SF3B1: variants seen among roughly 807,000 people sequenced by gnomAD.
The protein encoded by SF3B1 is pre-mRNA processing 10.
SF3B1 carries 12 observed loss-of-function variants against 153.8 expected under a neutral mutation model. That is an observed-to-expected ratio of 0.08 (90% CI 0.05 to 0.13). The LOEUF (loss-of-function observed/expected upper bound fraction) is 0.13, where lower values mean the gene tolerates loss of function less well. Ranked by LOEUF, SF3B1 falls within the 10% of genes least tolerant of loss-of-function variation. The probability of loss-of-function intolerance (pLI) is 1.00; values close to 1 mark genes in which losing one functional copy is unlikely to be tolerated. For synonymous variants in SF3B1, 498 were observed against 525.2 expected (o/e 0.95, Z 0.71); for missense variants, 513 against 1,606.1 (o/e 0.32, Z 11.63).
intron 6 of SF3B1, among the ~76,000 whole-genome samples, chr2:197,413,451 T>C (rs748865665): frequency 1.3e-5 from 2 of 152,174 alleles, no homozygotes; most frequent in African/African-American, 2.4e-5. Context: ...GTTACTTATA[T>C]TGAACAGAAC....
chr2:197,411,399 T>C (rs1217225454), intron 6 of SF3B1, among the ~76,000 whole-genome samples: 2 of 151,358 alleles, frequency 1.3e-5, no homozygotes, highest in African/African-American at 4.9e-5. Flanking sequence ...CTTGGCCGGG[T>C]GCGGTGGCTC....
At chr2:197,417,589 A>AT (rs1452462575) in intron 5 of SF3B1, among the ~76,000 whole-genome samples, 1 of 150,362 alleles carries the variant, frequency 6.7e-6, no homozygotes. Context: ...AAAAAAAAAA[A>AT]AAAAAAGAAA....
At chr2:197,407,614 A>G (rs1380152805) in intron 9 of SF3B1, among the ~76,000 whole-genome samples, 1 of 151,914 alleles carries the variant, frequency 6.6e-6, no homozygotes, top group South Asian at 2.1e-4. Flanking sequence ...TTTAAAAAAA[A>G]AAAAAAAAAA....
At chr2:197,432,728 G>A (rs188653639) in intron 1 of SF3B1, among the ~76,000 whole-genome samples, 3 of 152,248 alleles carry the variant, frequency 2.0e-5, no homozygotes, top group Non-Finnish European at 4.4e-5. Flanking sequence ...TTAGTCGGGT[G>A]TGGTGGCACA....
At position 197,410,000 on chromosome 2, in the gene SF3B1, C is replaced by G; in HGVS notation, c.674G>C (p.Gly225Ala). 1 of 1,602,724 alleles carries G rather than the reference C, an allele frequency of 6.2e-7. No homozygotes were observed. The highest frequency in any genetic ancestry group is 8.5e-7 in the Non-Finnish European group (1 of 1,174,308). ...ATCCCATCTTAAGGAAGGAGTATGC[C>G]CAGGGGTCTTAAAAAAGCAAAAAAA... ...LSSWDQAETP[G>A]HTPSLRWDET... Residue 225 changes from glycine (G) to alanine (A), a missense_variant, in exon 7 of 25, where the codon GGG (glycine) becomes GCG (alanine). Gly to Ala is a moderately conservative substitution (Grantham distance 60, BLOSUM62 0). Coordinates refer to ENST00000335508, the MANE Select transcript of SF3B1 (RefSeq NM_012433.4).
Position 197,408,507 on chromosome 2 carries a change from G to T in SF3B1, c.979C>A (p.Pro327Thr). The change falls in exon 8 of 25, where the codon CCG becomes ACG. Residue 327 changes from proline (P) to threonine (T), a missense_variant. Coordinates refer to ENST00000335508, the MANE Select transcript of SF3B1 (RefSeq NM_012433.4). ...DRGGDSIGETPTPGASKRKSR... is the reference protein window; with the variant it reads ...DRGGDSIGETTTPGASKRKSR... ...TTTCTTTTACTGGCTCCAGGAGTCG[G>T]TGTTTCACCAATAGAATCTCCACCT... 1 of 1,613,650 alleles carries T rather than the reference G, an allele frequency of 6.2e-7. No homozygotes were observed. Among genetic ancestry groups the T allele is most frequent in the Non-Finnish European group, 8.5e-7 (1 of 1,179,988 alleles).
At chr2:197,435,077 G>C, upstream of SF3B1, 1 of 1,608,784 alleles carries the variant, frequency 6.2e-7, no homozygotes, top group Non-Finnish European at 8.5e-7. Flanking sequence ...GAGAAAAATA[G>C]CTGGGGGCTG....
At position 197,401,319 on chromosome 2, in the gene SF3B1, T is replaced by A; in HGVS notation, c.2496+81A>T. 1 of 1,290,526 alleles carries A rather than the reference T, an allele frequency of 7.7e-7. No individual in the cohort carries two copies. Among genetic ancestry groups the A allele is most frequent in the South Asian group, 1.4e-5 (1 of 71,998 alleles). The allele number at this position is 1,290,526 out of a possible 1,614,324, so 79.9% of individuals were successfully genotyped here. ...ACTGTGAGATAATCAAGGCAAAAAA[T>A]AATATACAACATGCATTCAAGTTGA... On this transcript the variant is annotated intron_variant, in intron 17 of 24. Transcript: ENST00000335508. The surrounding 1 kb of genome is among the most constrained non-coding windows in gnomAD (Gnocchi z 4.2).
chr2:197,418,713 G>A (rs955684105), intron 4 of SF3B1, 125 bp from the exon 5 acceptor site: 13 of 1,447,096 alleles, frequency 9.0e-6, no homozygotes, highest in East Asian at 2.5e-5. Context: ...TTTTTTGATG[G>A]AAAACTTTAA....
In SF3B1 at chr2:197,389,968, T is replaced by C. The variant is rs2084792384; in HGVS notation, c.*2335A>G. The C allele has an allele frequency of 6.6e-6, 1 of 152,230 alleles. No individual in the cohort carries two copies. The highest frequency in any genetic ancestry group is 2.4e-5 in the African/African-American group (1 of 41,458). The allele number at this position is 152,230 out of a possible 1,614,324, so 9.4% of individuals were successfully genotyped here. On this transcript the variant is annotated 3_prime_UTR_variant, in exon 25 of 25. Coordinates refer to ENST00000335508, the MANE Select transcript of SF3B1 (RefSeq NM_012433.4). Reference sequence around the variant, plus strand: ...AACCCACCCTGTCTCCTTAAGAACATTTCTTTGTTTGGCTTTAAGAAACAC... The same window carrying C: ...AACCCACCCTGTCTCCTTAAGAACACTTCTTTGTTTGGCTTTAAGAAACAC...
At chr2:197,428,890 G>T (rs1295931151) in intron 1 of SF3B1, among the ~76,000 whole-genome samples, 1 of 151,990 alleles carries the variant, frequency 6.6e-6, no homozygotes, top group East Asian at 1.9e-4. Context: ...AGAATCGCTT[G>T]AGTCTGGGAG....
intron 5 of SF3B1, among the ~76,000 whole-genome samples, chr2:197,417,220 A>T (rs2085161110): frequency 6.6e-6 from 1 of 152,234 alleles, no homozygotes; most frequent in Non-Finnish European, 1.5e-5. Flanking sequence ...ACTGAAAAAT[A>T]GGGTTTTCTT....
chr2:197,396,058 A>G lies in SF3B1; in HGVS notation c.3537T>C (p.Asp1179=). 1.2e-6 allele frequency: 2 copies of G among 1,609,812 alleles called. No individual in the cohort carries two copies. The highest frequency in any genetic ancestry group is 1.7e-6 in the Non-Finnish European group (2 of 1,176,542). ...TGTATTTAGTTCAAGTCACTTACCTATCCATTAAAGCATCTTCAAGTAACG... is the reference window on the plus strand; with the variant it reads ...TGTATTTAGTTCAAGTCACTTACCTGTCCATTAAAGCATCTTCAAGTAACG... ...VTPLLEDALM[D]RDLVHRQTAS... is the part of the protein sequence containing the mutation. The change falls in exon 23 of 25, where the codon GAT becomes GAC. Residue 1179 remains aspartate, a splice_region_variant and synonymous_variant. Coordinates refer to ENST00000335508, the MANE Select transcript of SF3B1 (RefSeq NM_012433.4).
chr2:197,410,383 T>TC (rs1184371851), intron 6 of SF3B1, among the ~76,000 whole-genome samples: 1 of 152,194 alleles, frequency 6.6e-6, no homozygotes, highest in Non-Finnish European at 1.5e-5. Context: ...AAAGTGGGGC[T>TC]TAGAGACACA....
chr2:197,427,076 G>A (rs2085347319), intron 1 of SF3B1, among the ~76,000 whole-genome samples: 1 of 152,182 alleles, frequency 6.6e-6, no homozygotes, highest in African/African-American at 2.4e-5. Flanking sequence ...TTATGTACCT[G>A]CTGATTAGCA....
chr2:197,416,032 G>A (rs1387969130), intron 6 of SF3B1, among the ~76,000 whole-genome samples: 4 of 142,834 alleles, frequency 2.8e-5, no homozygotes. Context: ...TGCCCAAGCT[G>A]GTCTCAAACT....
Position 197,402,482 on chromosome 2 carries a change from C to G in SF3B1, c.2077+74G>C. 2 of 1,353,044 alleles carry G rather than the reference C, an allele frequency of 1.5e-6. No homozygotes were observed. The highest frequency in any genetic ancestry group is 2.0e-6 in the Non-Finnish European group (2 of 986,404). 83.8% of individuals were successfully genotyped at this position (1,353,044 alleles called of 1,614,324 possible). On this transcript the variant is annotated intron_variant, in intron 14 of 24. Coordinates refer to ENST00000335508, the MANE Select transcript of SF3B1 (RefSeq NM_012433.4). The surrounding 1 kb of genome is among the most constrained non-coding windows in gnomAD (Gnocchi z 4.6). ...ATCACTTGAGCCCAAAGGTTTGAGT[C>G]CAGTCTGGGCAACATAGTAAGACCC...
chr2:197,430,207 A>C (rs2085405886), intron 1 of SF3B1, among the ~76,000 whole-genome samples: 1 of 152,256 alleles, frequency 6.6e-6, no homozygotes, highest in African/African-American at 2.4e-5. Flanking sequence ...TGGGTAAAAC[A>C]GAACAGTGAC....
intron 1 of SF3B1, among the ~76,000 whole-genome samples, chr2:197,429,036 A>G (rs1477287241): frequency 6.6e-5 from 10 of 152,182 alleles, no homozygotes; most frequent in Non-Finnish European, 1.0e-4. Flanking sequence ...AAAATGAGTA[A>G]CCAGAGGTCA....
Sources: gnomAD v4.1 joint callset for allele counts (sites outside exome capture counted in the v4.1 genomes callset) on GRCh38, gnomAD v4.1.1 for gene constraint, Gnocchi (gnomAD v3.1) non-coding constraint, MANE v1.5 for transcripts, NCBI Gene and HGNC (gene_info 2026-07-23, HGNC 2026-07-21) for gene names.